The following PTPRT variants were observed in gnomAD, a reference collection of about 807,000 sequenced individuals.
PTPRT encodes the protein protein tyrosine phosphatase receptor type T, also known as receptor-type tyrosine-protein phosphatase T.
Under a neutral mutation model 176.8 loss-of-function variants are expected in PTPRT, and 56 were observed. The observed-to-expected ratio is 0.32, with a 90% confidence interval of 0.26 to 0.40. The LOEUF is 0.40. Among genes scored for constraint, PTPRT ranks in the 10% least tolerant of loss-of-function variants. PTPRT has a pLI of 1.00. For missense variants in PTPRT, 1,540 were observed against 1,908.2 expected, an observed-to-expected ratio of 0.81 and a Z score of 3.60; for synonymous variants, 783 against 739.0, an observed-to-expected ratio of 1.06 and a Z score of -0.96.
At chr20:42,034,632 C>T in the PTPRT span, among the ~76,000 whole-genome samples, 2 of 152,226 alleles carry the variant, frequency 1.3e-5, no homozygotes, top group South Asian at 4.1e-4. Flanking sequence ...ACCATCTTAG[C>T]ACCTTCCTGG....
chr20:43,105,178 A>G lies in PTPRT; in HGVS notation c.88+84468T>C, dbSNP rs938473100. ...TAGTAGAAGCATACTAGAAACGCAA[A>G]TTTTCAGGCCCTACCTCAAACCTAC... On this transcript the variant is annotated intron_variant, in intron 1 of 30. Transcript: ENST00000373187. 3.9e-5 allele frequency among the ~76,000 whole-genome samples: 6 copies of G among 152,160 alleles called. No individual in the cohort carries two copies. The East Asian group carries it at 1.2e-3, about 29-fold the overall frequency.
intron 6 of PTPRT, among the ~76,000 whole-genome samples, chr20:42,719,589 A>G (rs2076275759): frequency 6.6e-6 from 1 of 152,174 alleles, no homozygotes; most frequent in African/African-American, 2.4e-5. Context: ...CAATGTGGGA[A>G]TGTTACAGCT....
rs183584458 is a variant in PTPRT at position 42,775,653 on chromosome 20, T to G, written c.569-4103A>C. On this transcript the variant is annotated intron_variant, in intron 4 of 30. Coordinates refer to ENST00000373187, the MANE Select transcript of PTPRT (RefSeq NM_007050.6). ...TTGAGTATTATGCCTGTCTTTTGGT[T>G]ACTGTTTTGGGAGCTTGGAGGCAAT... Among the ~76,000 whole-genome samples, 154 of 152,326 alleles carry G rather than the reference T, an allele frequency of 1.0e-3. 1 individual carries two copies. Among genetic ancestry groups the G allele is most frequent in the Non-Finnish European group, 2.2e-4 (15 of 68,032 alleles).
chr20:42,901,529 A>G (rs2079403649), intron 1 of PTPRT, among the ~76,000 whole-genome samples: 2 of 151,614 alleles, frequency 1.3e-5, no homozygotes, highest in African/African-American at 2.4e-5. Flanking sequence ...GCAATCCCAT[A>G]CCTGTCTCTG....
At chr20:42,978,026 G>A (rs1443124546) in intron 1 of PTPRT, among the ~76,000 whole-genome samples, 6 of 151,750 alleles carry the variant, frequency 4.0e-5, no homozygotes, top group Non-Finnish European at 7.4e-5. Context: ...GATCTCCAGT[G>A]GATGCCTGGT....
intron 11 of PTPRT, among the ~76,000 whole-genome samples, chr20:42,329,473 GCA>G (rs374374950): frequency 0.013 from 1,836 of 144,936 alleles, 22 homozygotes; most frequent in South Asian, 0.038. Flanking sequence ...GAATATAGTG[GCA>G]CACACACACA....
At chr20:43,182,309 T>C (rs753367276) in intron 1 of PTPRT, among the ~76,000 whole-genome samples, 15 of 151,802 alleles carry the variant, frequency 9.9e-5, no homozygotes, top group South Asian at 2.1e-4. Flanking sequence ...CTGTGGAACA[T>C]GTAGTCGGCA....
chr20:42,434,264 G>A (rs1202590539), intron 9 of PTPRT, among the ~76,000 whole-genome samples: 3 of 152,084 alleles, frequency 2.0e-5, no homozygotes, highest in East Asian at 1.9e-4. Context: ...CCATCATAGC[G>A]ATGTCGATAT....
chr20:42,522,763 CT>C (rs1350203589), intron 7 of PTPRT, among the ~76,000 whole-genome samples: 1 of 152,102 alleles, frequency 6.6e-6, no homozygotes, highest in African/African-American at 2.4e-5. Context: ...GCCCGGCTTT[CT>C]TTTTCTTGAC....
At chr20:42,424,558 G>A (rs1568866534) in intron 9 of PTPRT, among the ~76,000 whole-genome samples, 1 of 152,014 alleles carries the variant, frequency 6.6e-6, no homozygotes, top group Non-Finnish European at 1.5e-5. Context: ...CCTAATTTGG[G>A]AATGATTTAC....
intron 1 of PTPRT, among the ~76,000 whole-genome samples, chr20:43,107,900 T>C (rs188128085): frequency 6.6e-6 from 1 of 152,350 alleles, no homozygotes; most frequent in African/African-American, 2.4e-5. Context: ...CATTAGTGAA[T>C]TAATGTTGGG....
chr20:42,230,410 T>C (rs6030071), intron 15 of PTPRT, among the ~76,000 whole-genome samples: 77,924 of 152,048 alleles, frequency 0.51, 20,805 homozygotes, highest in Non-Finnish European at 0.58. Context: ...TTACTGTGCC[T>C]ATCACACACC....
At chr20:42,890,706 C>T (rs1600525279) in intron 1 of PTPRT, among the ~76,000 whole-genome samples, 1 of 152,124 alleles carries the variant, frequency 6.6e-6, no homozygotes, top group Non-Finnish European at 1.5e-5. Flanking sequence ...GTGGCCATAA[C>T]CAAAACAGGC....
At chr20:42,977,869 A>G (rs1012668311) in intron 1 of PTPRT, among the ~76,000 whole-genome samples, 2 of 152,244 alleles carry the variant, frequency 1.3e-5, no homozygotes, top group African/African-American at 2.4e-5. Context: ...TGCATCTCTA[A>G]TTGTTTCCCT....
intron 16 of PTPRT, among the ~76,000 whole-genome samples, chr20:42,162,433 T>C (rs141119634): frequency 1.8e-4 from 27 of 152,346 alleles, no homozygotes; most frequent in African/African-American, 6.5e-4. Context: ...CCTGGTCAGA[T>C]TGGGTTTGAA....
intron 6 of PTPRT, among the ~76,000 whole-genome samples, chr20:42,682,657 T>C (rs2075622922): frequency 6.6e-6 from 1 of 152,190 alleles, no homozygotes; most frequent in South Asian, 2.1e-4. Flanking sequence ...AGCTGGGAGA[T>C]GACATCAGTG....
At position 42,902,573 on chromosome 20, in the gene PTPRT, G is replaced by A. The variant is rs142220888; in HGVS notation, c.89-16641C>T. 2.5e-3 allele frequency among the ~76,000 whole-genome samples: 383 copies of A among 152,246 alleles called. 1 individual carries two copies. The highest frequency in any genetic ancestry group is 8.7e-3 in the African/African-American group (363 of 41,548). On this transcript the variant is annotated intron_variant, in intron 1 of 30. Coordinates refer to ENST00000373187, the MANE Select transcript of PTPRT (RefSeq NM_007050.6). ...TCTACCCTGGGAAAATCAGCCTTTG[G>A]TGCCCACTCAATAATCCGGAACCAT... is the stretch of plus-strand genomic sequence containing the variant.
At chr20:42,492,144 G>A (rs1007248896) in intron 7 of PTPRT, among the ~76,000 whole-genome samples, 1 of 152,076 alleles carries the variant, frequency 6.6e-6, no homozygotes, top group Non-Finnish European at 1.5e-5. Flanking sequence ...AATCTGCTAT[G>A]GACATTCATG....
At chr20:42,363,290 ATATATATATATTTTTTTTTTT>A (rs2058461889) in intron 9 of PTPRT, among the ~76,000 whole-genome samples, 2 of 25,680 alleles carry the variant, frequency 7.8e-5, no homozygotes, top group East Asian at 1.9e-3. Context: ...ATATATATAT[ATATATATATATTTTTTTTTTT>A]TTTTTTTTTT....
Sources: gnomAD v4.1 joint callset for allele counts (sites outside exome capture counted in the v4.1 genomes callset) on GRCh38, gnomAD v4.1.1 for gene constraint, MANE v1.5 for transcripts, NCBI Gene and HGNC (gene_info 2026-07-23, HGNC 2026-07-21) for gene names.